Variants in CYP3A43 observed in about 807,000 individuals in gnomAD.
CYP3A43 encodes cytochrome P450 3A43.
Under a neutral mutation model 58.0 loss-of-function variants are expected in CYP3A43, and 45 were observed. The observed-to-expected ratio is 0.78, with a 90% confidence interval of 0.61 to 0.99. CYP3A43 has a LOEUF of 0.99. Among genes scored for constraint, CYP3A43 ranks in the 50% least tolerant of loss-of-function variants. CYP3A43 has a pLI of 0.00. For synonymous variants in CYP3A43, 191 were observed against 201.4 expected (o/e 0.95, Z 0.44); for missense variants, 593 against 591.9 (o/e 1.00, Z -0.02).
intron 1 of CYP3A43, 62 bp from the exon 2 acceptor site, chr7:99,836,391 G>A: frequency 7.2e-7 from 1 of 1,390,524 alleles, no homozygotes. Flanking sequence ...GGTAATGTCT[G>A]GCCAACCCCT....
intron 6 of CYP3A43, 66 bp downstream of exon 6, chr7:99,848,320 A>G (rs1817617683): frequency 2.0e-6 from 3 of 1,512,448 alleles, no homozygotes; most frequent in Non-Finnish European, 2.7e-6. Context: ...AGTGGAGCTG[A>G]TATTCCCACT....
intron 1 of CYP3A43, among the ~76,000 whole-genome samples, chr7:99,835,386 G>A (rs186688099): frequency 1.3e-5 from 2 of 152,120 alleles, no homozygotes; most frequent in African/African-American, 2.4e-5. Flanking sequence ...TAAGCCTCTC[G>A]TGTCAAACCA....
chr7:99,849,966 T>TG lies in CYP3A43; in HGVS notation c.670+272_670+273insG, dbSNP rs1184122464. Reference sequence around the variant, plus strand: ...CAATCTTCCTCACCATTTTTTTTTTTTTTTTTTTTTAGACAGAGTCTCGCT... The same window carrying TG: ...CAATCTTCCTCACCATTTTTTTTTTTGTTTTTTTTTTAGACAGAGTCTCGCT... On this transcript the variant is annotated intron_variant, in intron 7 of 12. Coordinates refer to ENST00000354829, the MANE Select transcript of CYP3A43 (RefSeq NM_057095.3). 1.3e-5 allele frequency: 6 copies of TG among 478,216 alleles called. No homozygotes were observed. The East Asian group carries it at 2.1e-4, about 17-fold the overall frequency. 29.6% of individuals were successfully genotyped at this position (478,216 alleles called of 1,614,324 possible).
chr7:99,863,593 C>T lies in CYP3A43; in HGVS notation c.1310C>T (p.Ala437Val). ...IDLYRYIPFG[A>V]GPRNCIGMRF... ...CTTTACAGATACATACCTTTTGGAG[C>T]TGGACCCCGAAACTGCATTGGCATG... Residue 437 changes from alanine to valine, a missense_variant, in exon 12 of 13, where the codon GCT becomes GTT. Transcript: ENST00000354829. 1 of 1,613,962 alleles carries T rather than the reference C, an allele frequency of 6.2e-7. No homozygotes were observed. Among genetic ancestry groups the T allele is most frequent in the Non-Finnish European group, 8.5e-7 (1 of 1,179,924 alleles).
At chr7:99,836,767 G>A (rs527826454) in intron 2 of CYP3A43, among the ~76,000 whole-genome samples, 2 of 152,186 alleles carry the variant, frequency 1.3e-5, no homozygotes, top group Admixed American at 1.3e-4. Flanking sequence ...CAGATATCTG[G>A]GGGATCAGCA....
rs576855939 is a variant in CYP3A43, at chr7:99,847,798, G to A, written c.432+197G>A. Reference sequence around the variant, plus strand: ...AGGCCGAGGTGGGTGGATCACCTGAGGTTAGGAGATTGAGACCAGCCTGGC... The same window carrying A: ...AGGCCGAGGTGGGTGGATCACCTGAAGTTAGGAGATTGAGACCAGCCTGGC... On this transcript the variant is annotated intron_variant, in intron 5 of 12. Coordinates refer to ENST00000354829, the MANE Select transcript of CYP3A43 (RefSeq NM_057095.3). The A allele has an allele frequency of 1.2e-4, 88 of 738,484 alleles. No individual in the cohort carries two copies. In the African/African-American group the frequency reaches 1.4e-3, roughly 12 times the overall value. 45.7% of individuals were successfully genotyped at this position (738,484 alleles called of 1,614,324 possible). A position where few individuals can be genotyped will look rare whatever the true frequency, so the allele number is the denominator to read the frequency against.
chr7:99,842,469 A>T (rs1455393161), intron 3 of CYP3A43, among the ~76,000 whole-genome samples: 1 of 152,210 alleles, frequency 6.6e-6, no homozygotes, highest in Non-Finnish European at 1.5e-5. Context: ...TAGAAGTTTT[A>T]TAGATTCTCT....
intron 9 of CYP3A43, among the ~76,000 whole-genome samples, chr7:99,859,360 TA>T (rs1818129866): frequency 2.0e-5 from 3 of 152,222 alleles, no homozygotes; most frequent in Admixed American, 1.3e-4. Flanking sequence ...AAAGTTCCTT[TA>T]TATTTCCCTA....
chr7:99,864,072 A>C (rs1208759953), intron 12 of CYP3A43, among the ~76,000 whole-genome samples: 1 of 148,554 alleles, frequency 6.7e-6, no homozygotes, highest in East Asian at 1.9e-4. Context: ...CCTCCACTAG[A>C]ACTCACTAGA....
chr7:99,852,038 G>A (rs541776768), intron 7 of CYP3A43, among the ~76,000 whole-genome samples: 5 of 152,144 alleles, frequency 3.3e-5, no homozygotes, highest in Non-Finnish European at 7.3e-5. Flanking sequence ...AGTTGTCCTA[G>A]GACCATTTGT....
chr7:99,861,550 A>G (rs1818232413), intron 10 of CYP3A43, 63 bp from the exon 11 acceptor site: 1 of 1,428,582 alleles, frequency 7.0e-7, no homozygotes, highest in African/African-American at 1.4e-5. Flanking sequence ...ATAGTACTGC[A>G]TGGACTAAGT....
At chr7:99,839,090 A>G (rs1817216256) in intron 2 of CYP3A43, 30 bp from the exon 3 acceptor site, 1 of 1,613,792 alleles carries the variant, frequency 6.2e-7, no homozygotes, top group Non-Finnish European at 8.5e-7. Flanking sequence ...TCGAAATAAT[A>G]CTTGAATTGT....
intron 7 of CYP3A43, 41 bp downstream of exon 7, chr7:99,849,735 T>TCA (rs771275851): frequency 6.7e-7 from 1 of 1,486,180 alleles, no homozygotes; most frequent in Admixed American, 2.4e-5. Flanking sequence ...TCTCTCTCTC[T>TCA]CATCTAATTT....
chr7:99,836,104 A>G (rs1279189939), intron 1 of CYP3A43, among the ~76,000 whole-genome samples: 1 of 152,202 alleles, frequency 6.6e-6, no homozygotes, highest in Non-Finnish European at 1.5e-5. Flanking sequence ...GTCCATCCCC[A>G]TGTGTGCCAG....
At chr7:99,836,130 T>C (rs894600744) in intron 1 of CYP3A43, among the ~76,000 whole-genome samples, 3 of 152,140 alleles carry the variant, frequency 2.0e-5, no homozygotes, top group Non-Finnish European at 2.9e-5. Flanking sequence ...CTGTCTTTGG[T>C]CAGAATAAGG....
rs1584187969 is a variant in CYP3A43 at position 99,828,173 on chromosome 7, G to A, written c.58G>A (p.Val20Ile). The change falls in exon 1 of 13, where the codon GTA becomes ATA. Residue 20 changes from valine to isoleucine, a missense_variant. Physicochemically the swap from Val to Ile is conservative, Grantham distance 29 (BLOSUM62 3). Transcript: ENST00000354829. ...ETWVLVATSL[V>I]LLYIYGTHSH... ...ATGGGTTCTTGTGGCTACCAGCCTG[G>A]TACTCCTCTATATGTGAGTAACTAT... The A allele has an allele frequency of 6.2e-7, 1 of 1,612,428 alleles. No individual in the cohort carries two copies. The highest frequency in any genetic ancestry group is 8.5e-7 in the Non-Finnish European group (1 of 1,178,996).
intron 3 of CYP3A43, among the ~76,000 whole-genome samples, chr7:99,841,822 A>C (rs1817345110): frequency 6.6e-6 from 1 of 152,102 alleles, no homozygotes; most frequent in Non-Finnish European, 1.5e-5. Context: ...CAACTTTGAC[A>C]CATTTTAATG....
intron 1 of CYP3A43, among the ~76,000 whole-genome samples, chr7:99,835,587 A>T (rs138134711): frequency 0.023 from 3,516 of 152,324 alleles, 56 homozygotes; most frequent in Non-Finnish European, 0.031. Context: ...TTAGGGTCAT[A>T]ACATACATAT....
chr7:99,861,889 T>C (rs764316135), intron 11 of CYP3A43, 50 bp downstream of exon 11: 5 of 1,518,436 alleles, frequency 3.3e-6, no homozygotes, highest in South Asian at 2.3e-5. Flanking sequence ...CTGATTCAAG[T>C]ATATTCTGCC....
Sources: gnomAD v4.1 joint callset for allele counts (sites outside exome capture counted in the v4.1 genomes callset) on GRCh38, gnomAD v4.1.1 for gene constraint, MANE v1.5 for transcripts, NCBI Gene and HGNC (gene_info 2026-07-23, HGNC 2026-07-21) for gene names.